Variants in DNAJC17 observed in about 807,000 individuals in gnomAD.
The protein encoded by DNAJC17 is dnaJ homolog subfamily C member 17.
Under a neutral mutation model 48.1 loss-of-function variants are expected in DNAJC17, and 35 were observed. The ratio of observed to expected loss-of-function variants is 0.73; its 90% CI spans 0.56 to 0.96. The LOEUF (loss-of-function observed/expected upper bound fraction) is 0.96, where lower values mean the gene tolerates loss of function less well. DNAJC17 is among the 50% of genes least tolerant of loss of function. The pLI, the probability that DNAJC17 is intolerant of heterozygous loss-of-function variation, is 0.00. For missense variants in DNAJC17, 355 were observed against 377.1 expected, an observed-to-expected ratio of 0.94 and a Z score of 0.48; for synonymous variants, 117 against 142.7, an observed-to-expected ratio of 0.82 and a Z score of 1.28.
chr15:40,770,553 C>G lies in DNAJC17; in HGVS notation c.793-2491G>C. On this transcript the variant is annotated intron_variant, in intron 10 of 10. Coordinates refer to ENST00000220496, the MANE Select transcript of DNAJC17 (RefSeq NM_018163.3). This position sits in a 1 kb window ranked among gnomAD's most constrained non-coding sequence, Gnocchi z 5.0. ...CGCCTCCTTCTTCAAGCAGCTGAGC[C>G]TGGGGCGGCCACGGCGGCTCCGGCG... 1 of 1,550,736 alleles carries G rather than the reference C, an allele frequency of 6.4e-7. No homozygotes were observed. The highest frequency in any genetic ancestry group is 8.7e-7 in the Non-Finnish European group (1 of 1,146,984).
chr15:40,774,239 C>T, intron 9 of DNAJC17, 117 bp downstream of exon 9: 1 of 1,190,134 alleles, frequency 8.4e-7, no homozygotes, highest in Non-Finnish European at 1.2e-6. Flanking sequence ...TGGCTCTAAG[C>T]TGGCCTGGAG....
chr15:40,770,087 G>GTGTA lies in DNAJC17; in HGVS notation c.793-2026_793-2025insTACA. On this transcript the variant is annotated intron_variant, in intron 10 of 10. Transcript: ENST00000220496. This position sits in a 1 kb window ranked among gnomAD's most constrained non-coding sequence, Gnocchi z 5.0. ...GCAAACACCAGGGCGAGTGAGCTCG[G>GTGTA]GCCATCTGCTGCCTGCCTGTGGAAG... The GTGTA allele has an allele frequency of 1.0e-5, 2 of 196,964 alleles. No homozygotes were observed. Among genetic ancestry groups the GTGTA allele is most frequent in the East Asian group, 1.4e-4 (1 of 7,104 alleles). 12.2% of individuals were successfully genotyped at this position (196,964 alleles called of 1,614,324 possible).
At chr15:40,793,182 G>A (rs916919924) in intron 1 of DNAJC17, among the ~76,000 whole-genome samples, 6 of 150,484 alleles carry the variant, frequency 4.0e-5, no homozygotes, top group Non-Finnish European at 5.9e-5. Flanking sequence ...CGTGAGCACC[G>A]TGCCCAGCCC....
At chr15:40,786,708 C>G (rs1469774247) in intron 1 of DNAJC17, among the ~76,000 whole-genome samples, 4 of 152,194 alleles carry the variant, frequency 2.6e-5, no homozygotes, top group Non-Finnish European at 5.9e-5. Context: ...TGTTTCCAAC[C>G]CAAAGTTCCC....
intron 10 of DNAJC17, among the ~76,000 whole-genome samples, chr15:40,768,984 G>C (rs1889042203): frequency 6.6e-6 from 1 of 152,402 alleles, no homozygotes; most frequent in South Asian, 2.1e-4. Context: ...CGCTGTCACA[G>C]AGCAAGGCAG....
chr15:40,778,506 C>T (rs1212396956), intron 4 of DNAJC17, among the ~76,000 whole-genome samples: 1 of 152,168 alleles, frequency 6.6e-6, no homozygotes, highest in Non-Finnish European at 1.5e-5. Context: ...CCGCCTCGGC[C>T]TCCCAAAGTG....
chr15:40,774,543 T>C, intron 8 of DNAJC17, 107 bp from the exon 9 acceptor site: 1 of 1,232,120 alleles, frequency 8.1e-7, no homozygotes, highest in Non-Finnish European at 1.2e-6. Flanking sequence ...GCATTTTCAG[T>C]TGGGAGATAA....
chr15:40,780,505 G>A (rs916097533), intron 1 of DNAJC17: 2 of 368,514 alleles, frequency 5.4e-6, no homozygotes, highest in South Asian at 2.0e-5. Context: ...CCCCATCAAC[G>A]GGGAGACTCA....
intron 1 of DNAJC17, among the ~76,000 whole-genome samples, chr15:40,785,228 G>T (rs1266334715): frequency 6.6e-6 from 1 of 152,120 alleles, no homozygotes; most frequent in Admixed American, 6.6e-5. Context: ...AAGGGTTATA[G>T]CTGATATTTA....
At chr15:40,775,530 C>A (rs1889295819) in intron 7 of DNAJC17, 23 bp downstream of exon 7, 1 of 1,612,930 alleles carries the variant, frequency 6.2e-7, no homozygotes, top group Non-Finnish European at 8.5e-7. Flanking sequence ...GTGAGGTGGC[C>A]CACAGATCCT....
At position 40,769,542 on chromosome 15, in the gene DNAJC17, C is replaced by T. The variant is rs1034986361; in HGVS notation, c.793-1480G>A. On this transcript the variant is annotated intron_variant, in intron 10 of 10. Coordinates refer to ENST00000220496, the MANE Select transcript of DNAJC17 (RefSeq NM_018163.3). The surrounding 1 kb of genome is among the most constrained non-coding windows in gnomAD (Gnocchi z 4.2). ...CAGAGCCCGCCCATCACAGGCATGG[C>T]GCTGCTCCCCATTAACACACCCTCT... Among the ~76,000 whole-genome samples the T allele has an allele frequency of 6.6e-6, 1 of 152,264 alleles. No homozygotes were observed. The highest frequency in any genetic ancestry group is 2.4e-5 in the African/African-American group (1 of 41,476).
chr15:40,769,078 GAGTA>G lies in DNAJC17; in HGVS notation c.793-1020_793-1017del, dbSNP rs1195815118. Reference sequence around the variant, plus strand: ...TGCCAGGCCCTGGCCAGCAGGTTTGGAGTAAGGGGTGTAGAGAAACAGGAAGTGT... The same window carrying G: ...TGCCAGGCCCTGGCCAGCAGGTTTGGAGGGGTGTAGAGAAACAGGAAGTGT... On this transcript the variant is annotated intron_variant, in intron 10 of 10. Coordinates refer to ENST00000220496, the MANE Select transcript of DNAJC17 (RefSeq NM_018163.3). This position sits in a 1 kb window ranked among gnomAD's most constrained non-coding sequence, Gnocchi z 4.2. Among the ~76,000 whole-genome samples, 1 of 152,216 alleles carries G rather than the reference GAGTA, an allele frequency of 6.6e-6. No individual in the cohort carries two copies. Among genetic ancestry groups the G allele is most frequent in the Admixed American group, 6.5e-5 (1 of 15,288 alleles).
At position 40,767,970 on chromosome 15, in the gene DNAJC17, C is replaced by T; in HGVS notation, c.885G>A (p.Gln295=). The part of the protein sequence containing the change: ...AERQQLIARM[Q]QEDQEGPPT ...TAGGCGGCCCCTCCTGGTCTTCCTG[C>T]TGCATCCGTGCGATCAGCTGTTGCC... Residue 295 remains glutamine, a synonymous_variant, in exon 11 of 11, where the codon CAG becomes CAA. Coordinates refer to ENST00000220496, the MANE Select transcript of DNAJC17 (RefSeq NM_018163.3). 1 of 1,613,058 alleles carries T rather than the reference C, an allele frequency of 6.2e-7. No individual in the cohort carries two copies. Among genetic ancestry groups the T allele is most frequent in the Non-Finnish European group, 8.5e-7 (1 of 1,179,708 alleles).
intron 10 of DNAJC17, 94 bp downstream of exon 10, chr15:40,773,633 A>AG (rs1889222597): frequency 1.0e-6 from 1 of 990,340 alleles, no homozygotes; most frequent in Admixed American, 2.7e-5. Flanking sequence ...CTAGGCCCCA[A>AG]GATCTGAATT....
At chr15:40,797,516 G>A (rs1006365496) in intron 1 of DNAJC17, among the ~76,000 whole-genome samples, 35 of 146,172 alleles carry the variant, frequency 2.4e-4, no homozygotes, top group African/African-American at 4.6e-4. Context: ...GGGTTCAAGC[G>A]ATTCTCCTGC....
chr15:40,784,897 A>T (rs8029321), intron 1 of DNAJC17, among the ~76,000 whole-genome samples: 5,516 of 152,268 alleles, frequency 0.036, 202 homozygotes, highest in African/African-American at 0.089. Flanking sequence ...CAGGGGTTGG[A>T]GACCAGCTTG....
intron 1 of DNAJC17, among the ~76,000 whole-genome samples, chr15:40,806,868 G>A (rs1210573468): frequency 6.6e-6 from 1 of 150,388 alleles, no homozygotes; most frequent in African/African-American, 2.5e-5. Context: ...ATGGGCTTGA[G>A]TGGAAAAGAA....
Position 40,770,613 on chromosome 15 carries a change from G to C in DNAJC17, c.793-2551C>G. ...TGTGCTTAGCCAGGCCAGCACAGCA[G>C]GTGGGGACCACGAGGAGTACAGCAA... On this transcript the variant is annotated intron_variant, in intron 10 of 10. Transcript: ENST00000220496. The surrounding 1 kb of genome is among the most constrained non-coding windows in gnomAD (Gnocchi z 5.0). 1.3e-6 allele frequency: 2 copies of C among 1,550,704 alleles called. No homozygotes were observed. The highest frequency in any genetic ancestry group is 8.7e-7 in the Non-Finnish European group (1 of 1,146,980).
At chr15:40,779,197 C>T (rs1283363147) in intron 4 of DNAJC17, 26 bp downstream of exon 4, 2 of 1,608,820 alleles carry the variant, frequency 1.2e-6, no homozygotes, top group East Asian at 2.2e-5. Flanking sequence ...AAACCACAGG[C>T]CACCGAGCAC....
Sources: allele counts gnomAD v4.1 joint callset (sites outside exome capture counted in the v4.1 genomes callset), GRCh38; gene constraint gnomAD v4.1.1; non-coding constraint Gnocchi (gnomAD v3.1); transcripts MANE v1.5; gene names NCBI Gene and HGNC (gene_info 2026-07-23, HGNC 2026-07-21).